PDE4D: variants seen among roughly 807,000 people sequenced by gnomAD.
The protein encoded by PDE4D is phosphodiesterase 4D.
Under a neutral mutation model 87.4 loss-of-function variants are expected in PDE4D, and 24 were observed. That is an observed-to-expected ratio of 0.27 (90% CI 0.20 to 0.39). The LOEUF (loss-of-function observed/expected upper bound fraction) is 0.39, where lower values mean the gene tolerates loss of function less well. Ranked by LOEUF, PDE4D falls within the 10% of genes least tolerant of loss-of-function variation. PDE4D has a pLI of 1.00. For missense variants in PDE4D, 714 were observed against 1,041.0 expected, an observed-to-expected ratio of 0.69 and a Z score of 4.32; for synonymous variants, 384 against 383.2, an observed-to-expected ratio of 1.00 and a Z score of -0.02.
At chr5:60,354,373 T>C (rs1583504422) in intron 1 of PDE4D, among the ~76,000 whole-genome samples, 1 of 152,210 alleles carries the variant, frequency 6.6e-6, no homozygotes, top group Admixed American at 6.5e-5. Context: ...TTCAGACCAA[T>C]GCTGAGATGT....
At position 59,504,687 on chromosome 5, in the gene PDE4D, T is replaced by C. The variant is rs72767795; in HGVS notation, c.456-288719A>G. On this transcript the variant is annotated intron_variant, in intron 1 of 14. Transcript: ENST00000340635. ...AAAGCCCATGTGTTCTCTCCTTTGG[T>C]GATGGTGGGAAATTCAAACCACACC... is the stretch of plus-strand genomic sequence containing the variant. Among the ~76,000 whole-genome samples, 1,100 of 152,184 alleles carry C rather than the reference T, an allele frequency of 7.2e-3. 5 individuals are homozygous for C. The highest frequency in any genetic ancestry group is 8.8e-3 in the Non-Finnish European group (600 of 68,014).
At chr5:60,384,424 C>A (rs530899967) in intron 1 of PDE4D, among the ~76,000 whole-genome samples, 83 of 152,224 alleles carry the variant, frequency 5.5e-4, no homozygotes, top group Admixed American at 1.9e-3. Flanking sequence ...TCTAATTGAT[C>A]CAAATTAGTA....
chr5:59,321,520 C>G (rs1233829719), intron 1 of PDE4D, among the ~76,000 whole-genome samples: 1 of 151,936 alleles, frequency 6.6e-6, no homozygotes, highest in African/African-American at 2.4e-5. Context: ...GTTCTTTTTT[C>G]CTTTCTTTCA....
chr5:59,615,646 T>C (rs1043036003), intron 1 of PDE4D, among the ~76,000 whole-genome samples: 2 of 152,188 alleles, frequency 1.3e-5, no homozygotes, highest in African/African-American at 4.8e-5. Context: ...TCTTCAATTG[T>C]GAGGAAGAAA....
At chr5:59,677,565 A>G (rs186871711) in intron 1 of PDE4D, among the ~76,000 whole-genome samples, 282 of 152,344 alleles carry the variant, frequency 1.9e-3, no homozygotes, top group Admixed American at 3.1e-3. Context: ...TAAGTTATAA[A>G]GCTCAGTTAA....
chr5:59,917,370 T>C (rs1181832041), intron 3 of PDE4D, among the ~76,000 whole-genome samples: 2 of 152,096 alleles, frequency 1.3e-5, no homozygotes, highest in African/African-American at 4.8e-5. Flanking sequence ...AGAGAGTCTA[T>C]GGATCAACAC....
intron 1 of PDE4D, among the ~76,000 whole-genome samples, chr5:59,371,137 T>C (rs547216878): frequency 6.6e-6 from 1 of 152,288 alleles, no homozygotes. Flanking sequence ...AGCCAAAAGA[T>C]TGAATACTCC....
chr5:60,012,642 A>G (rs1007262252), intron 2 of PDE4D, among the ~76,000 whole-genome samples: 13 of 152,226 alleles, frequency 8.5e-5, no homozygotes, highest in African/African-American at 3.1e-4. Flanking sequence ...TGGCAGAGAT[A>G]GCATCATTTT....
At chr5:59,834,349 A>G (rs1181139971) in intron 1 of PDE4D, among the ~76,000 whole-genome samples, 2 of 152,018 alleles carry the variant, frequency 1.3e-5, no homozygotes, top group Admixed American at 6.6e-5. Context: ...GCTACATACT[A>G]TTAGATAATA....
At chr5:59,267,401 C>T (rs1284322801) in intron 1 of PDE4D, among the ~76,000 whole-genome samples, 1 of 152,078 alleles carries the variant, frequency 6.6e-6, no homozygotes, top group East Asian at 1.9e-4. Flanking sequence ...CTCAATTTCT[C>T]ATCTTTGATG....
intron 1 of PDE4D, among the ~76,000 whole-genome samples, chr5:59,730,959 C>A (rs898251899): frequency 6.6e-6 from 1 of 152,074 alleles, no homozygotes; most frequent in Non-Finnish European, 1.5e-5. Context: ...CTTTTTATAT[C>A]TCACCAACTA....
intron 2 of PDE4D, among the ~76,000 whole-genome samples, chr5:60,136,914 A>G (rs1780100208): frequency 6.6e-6 from 1 of 152,068 alleles, no homozygotes; most frequent in Non-Finnish European, 1.5e-5. Flanking sequence ...TTACCCAGGT[A>G]TTAAGCCCAG....
chr5:59,170,067 G>A (rs889893757), intron 5 of PDE4D, among the ~76,000 whole-genome samples: 7 of 152,296 alleles, frequency 4.6e-5, no homozygotes, highest in African/African-American at 1.7e-4. Flanking sequence ...GTTTTGCTCT[G>A]TAGCCCAGGC....
At chr5:59,019,559 A>T (rs1175589486) in intron 6 of PDE4D, among the ~76,000 whole-genome samples, 1 of 152,098 alleles carries the variant, frequency 6.6e-6, no homozygotes, top group Non-Finnish European at 1.5e-5. Flanking sequence ...CTCCTCCAGA[A>T]TGCCCACTAC....
At chr5:60,498,576 T>G (rs1337487669) in intron 1 of PDE4D, among the ~76,000 whole-genome samples, 2 of 152,232 alleles carry the variant, frequency 1.3e-5, no homozygotes, top group African/African-American at 4.8e-5. Flanking sequence ...TGACTGGCTG[T>G]GGGCAGAGGG....
At chr5:60,208,409 A>G (rs750014582) in intron 1 of PDE4D, among the ~76,000 whole-genome samples, 23 of 152,182 alleles carry the variant, frequency 1.5e-4, no homozygotes, top group Non-Finnish European at 3.1e-4. Context: ...AGTAGAGAAG[A>G]GTTCAGAGAT....
At chr5:60,021,863 T>G (rs981795943) in intron 2 of PDE4D, 1 of 152,196 alleles carries the variant, frequency 6.6e-6, no homozygotes, top group Non-Finnish European at 1.5e-5. Context: ...ATTGCATTTT[T>G]ATTTTATTTT....
At chr5:59,496,850 T>G (rs1033677066) in intron 1 of PDE4D, among the ~76,000 whole-genome samples, 3 of 152,130 alleles carry the variant, frequency 2.0e-5, no homozygotes, top group African/African-American at 4.8e-5. Context: ...AGACCACTTT[T>G]GGGGCTTCTC....
At chr5:59,851,022 G>A (rs190934808) in intron 1 of PDE4D, among the ~76,000 whole-genome samples, 38 of 152,124 alleles carry the variant, frequency 2.5e-4, no homozygotes, top group Admixed American at 2.4e-3. Flanking sequence ...GCAATGATGT[G>A]TAACTTTTGA....
Sources: allele counts gnomAD v4.1 joint callset (sites outside exome capture counted in the v4.1 genomes callset), GRCh38; gene constraint gnomAD v4.1.1; transcripts MANE v1.5; gene names NCBI Gene and HGNC (gene_info 2026-07-23, HGNC 2026-07-21).